The following TP53BP1 variants were observed in gnomAD, a reference collection of about 807,000 sequenced individuals.
TP53BP1 encodes TP53-binding protein 1.
A neutral mutation model predicts 200.8 loss-of-function variants in TP53BP1; 61 were observed. That is an observed-to-expected ratio of 0.30 (90% confidence interval 0.25 to 0.38). The LOEUF is 0.38. TP53BP1 is among the 10% of genes least tolerant of loss of function. The probability of loss-of-function intolerance (pLI) is 1.00; values close to 1 mark genes in which losing one functional copy is unlikely to be tolerated. For missense variants in TP53BP1, 2,144 were observed against 2,371.9 expected, an observed-to-expected ratio of 0.90 and a Z score of 2.00; for synonymous variants, 822 against 844.3, an observed-to-expected ratio of 0.97 and a Z score of 0.46.
chr15:43,504,924 G>A (rs1291503782), intron 1 of TP53BP1, among the ~76,000 whole-genome samples: 1 of 152,168 alleles, frequency 6.6e-6, no homozygotes, highest in African/African-American at 2.4e-5. Flanking sequence ...GGAAGGTGAG[G>A]CAAGAGAATT....
chr15:43,406,268 C>A lies in TP53BP1; in HGVS notation c.*1115G>T, dbSNP rs2044875580. 1 of 204,432 alleles carries A rather than the reference C, an allele frequency of 4.9e-6. No homozygotes were observed. The highest frequency in any genetic ancestry group is 1.0e-5 in the Non-Finnish European group (1 of 99,822). The allele number at this position is 204,432 out of a possible 1,614,324, so 12.7% of individuals were successfully genotyped here. On this transcript the variant is annotated 3_prime_UTR_variant, in exon 28 of 28. Coordinates refer to ENST00000382044, the MANE Select transcript of TP53BP1 (RefSeq NM_001141980.3). The stretch of plus-strand genomic sequence containing the variant: ...GAAATATTCACTGAACAACGCCCTC[C>A]AAACTGAAAAAGAATGCAGTGTTCT...
intron 11 of TP53BP1, 79 bp from the exon 12 acceptor site, chr15:43,457,297 AAAATTTCTAAAATC>A (rs1310444035): frequency 4.0e-6 from 5 of 1,240,484 alleles, no homozygotes; most frequent in Admixed American, 6.3e-5. Flanking sequence ...GGATTCATAT[AAAATTTCTAAAATC>A]AAATTTCTAA....
chr15:43,463,669 G>T (rs374760760), intron 11 of TP53BP1, among the ~76,000 whole-genome samples: 119 of 152,252 alleles, frequency 7.8e-4, no homozygotes, highest in African/African-American at 2.8e-3. Context: ...AATCTATTTA[G>T]CAGAAGAGTG....
In TP53BP1 at chr15:43,416,215, A is replaced by C. The variant is rs544424201; in HGVS notation, c.4873+10T>G. The C allele has an allele frequency of 6.2e-7, 1 of 1,609,052 alleles. No individual in the cohort carries two copies. ...CCCAAAAGCAGCTGTTCAGGAAGCA[A>C]AAGTCTTACCTAAGCTGATATCTGC... On this transcript the variant is annotated intron_variant, in intron 22 of 27. Transcript: ENST00000382044.
In TP53BP1 at chr15:43,432,508, G is replaced by C; in HGVS notation, c.3361C>G (p.Gln1121Glu). 6.2e-7 allele frequency: 1 copy of C among 1,614,126 alleles called. No homozygotes were observed. The stretch of plus-strand genomic sequence containing the variant: ...ACATCTGTCACCATTGCCTCTCCTT[G>C]AGGACTGGATGGCCCTTGTATGACC... ...KMVIQGPSSP[Q>E]GEAMVTDVLE... The change falls in exon 17 of 28, where the codon CAA becomes GAA. Residue 1121 changes from glutamine (Q) to glutamate (E), a missense_variant. Physicochemically the swap from Gln to Glu is conservative, Grantham distance 29. Around this residue, in one of 4 missense-constraint regions of TP53BP1, gnomAD observed 1,700 missense variants for 1,710.3 expected, o/e 0.99. Transcript: ENST00000382044.
intron 4 of TP53BP1, among the ~76,000 whole-genome samples, chr15:43,483,826 T>C (rs1409099946): frequency 1.3e-5 from 2 of 152,200 alleles, no homozygotes; most frequent in East Asian, 1.9e-4. Context: ...GAGCTCTTCT[T>C]AGTTTCTTTT....
At position 43,404,446 on chromosome 15, in the gene TP53BP1, A is replaced by AT. The variant is rs1374834390; in HGVS notation, c.*2936dup. 1 of 1,614,138 alleles carries AT rather than the reference A, an allele frequency of 6.2e-7. No homozygotes were observed. On this transcript the variant is annotated 3_prime_UTR_variant, in exon 28 of 28. Transcript: ENST00000382044. The stretch of plus-strand genomic sequence containing the variant: ...CCGCCAGTCTTCACTCCTGTTCAAG[A>AT]TTCTCTCCAGTGTTCGGAATCATCA...
intron 16 of TP53BP1, among the ~76,000 whole-genome samples, chr15:43,433,767 T>C (rs985481244): frequency 4.6e-5 from 7 of 152,206 alleles, no homozygotes; most frequent in Admixed American, 4.6e-4. Flanking sequence ...GCATAAACTG[T>C]AGATAAACTC....
chr15:43,420,167 C>A, intron 21 of TP53BP1, 138 bp downstream of exon 21: 5 of 830,170 alleles, frequency 6.0e-6, no homozygotes, highest in South Asian at 3.5e-5. Context: ...CAAGAGTAAC[C>A]AATTTTGTAG....
At chr15:43,438,274 C>T in intron 16 of TP53BP1, 50 bp downstream of exon 16, 1 of 1,533,182 alleles carries the variant, frequency 6.5e-7, no homozygotes, top group Non-Finnish European at 9.0e-7. Flanking sequence ...GGGCACTAAC[C>T]ATTTTGTGAA....
chr15:43,453,503 T>C (rs1373679373), intron 12 of TP53BP1, among the ~76,000 whole-genome samples: 1 of 151,650 alleles, frequency 6.6e-6, no homozygotes, highest in African/African-American at 2.4e-5. Flanking sequence ...CAATAACCCC[T>C]CACTTCCTTT....
At chr15:43,436,875 T>C (rs2045811006) in intron 16 of TP53BP1, among the ~76,000 whole-genome samples, 1 of 151,870 alleles carries the variant, frequency 6.6e-6, no homozygotes, top group African/African-American at 2.4e-5. Context: ...GTAAAGAAAT[T>C]ATGGGGCTAA....
At chr15:43,433,738 C>T (rs1241852015) in intron 16 of TP53BP1, among the ~76,000 whole-genome samples, 2 of 152,000 alleles carry the variant, frequency 1.3e-5, no homozygotes, top group East Asian at 1.9e-4. Context: ...TTTCAGTTCT[C>T]GGCATGACAG....
At chr15:43,419,536 CTTTTTTTTTTTTTT>C (rs34159488) in intron 21 of TP53BP1, among the ~76,000 whole-genome samples, 6 of 73,426 alleles carry the variant, frequency 8.2e-5, no homozygotes, top group African/African-American at 2.7e-4. Flanking sequence ...ATTTATGTTC[CTTTTTTTTTTTTTT>C]TTTTTTTTTT....
At chr15:43,417,692 T>C (rs1036387511) in intron 21 of TP53BP1, among the ~76,000 whole-genome samples, 16 of 152,200 alleles carry the variant, frequency 1.1e-4, no homozygotes, top group Admixed American at 3.3e-4. Context: ...AACGAATGCA[T>C]TTGATACATA....
At chr15:43,500,960 G>A (rs1394978693) in intron 1 of TP53BP1, among the ~76,000 whole-genome samples, 1 of 152,152 alleles carries the variant, frequency 6.6e-6, no homozygotes, top group Admixed American at 6.5e-5. Flanking sequence ...CTTGAGCTCA[G>A]GAGGTCAAGT....
chr15:43,486,907 T>C (rs2079054732), intron 4 of TP53BP1, among the ~76,000 whole-genome samples: 1 of 152,172 alleles, frequency 6.6e-6, no homozygotes, highest in African/African-American at 2.4e-5. Context: ...ATTATAGGCC[T>C]GAGCCACTGC....
chr15:43,491,686 C>T lies in TP53BP1; in HGVS notation c.354G>A (p.Gln118=). The T allele has an allele frequency of 6.2e-7, 1 of 1,613,686 alleles. No individual in the cohort carries two copies. The highest frequency in any genetic ancestry group is 2.2e-5 in the East Asian group (1 of 44,872). The change falls in exon 4 of 28, where the codon CAG becomes CAA. Residue 118 remains glutamine (Q), a synonymous_variant. Transcript: ENST00000382044. ...SISQVIEQLP[Q]PNRTSSVLGM... is the part of the protein sequence containing the mutation. ...CTGTATACCTGCTTGTCCTGTTTGG[C>T]TGAGGTAACTGCTCAATGACCTGAC...
rs1023105660 is a variant in TP53BP1 at position 43,492,473 on chromosome 15, A to T, written c.8-5T>A. The T allele has an allele frequency of 6.2e-7, 1 of 1,612,094 alleles. No individual in the cohort carries two copies. The highest frequency in any genetic ancestry group is 8.5e-7 in the Non-Finnish European group (1 of 1,178,872). ...CAGTAGGGTCCATCTGCTCCCCTGGAATGGAATAACAAAAGATCAGTTCCG... is the reference window on the plus strand; with the variant it reads ...CAGTAGGGTCCATCTGCTCCCCTGGTATGGAATAACAAAAGATCAGTTCCG... On this transcript the variant is annotated splice_region_variant and splice_polypyrimidine_tract_variant and intron_variant, in intron 1 of 27. Transcript: ENST00000382044.
Sources: allele counts gnomAD v4.1 joint callset (sites outside exome capture counted in the v4.1 genomes callset), GRCh38; gene constraint gnomAD v4.1.1; regional missense constraint gnomAD v4.1.1; transcripts MANE v1.5; gene names NCBI Gene and HGNC (gene_info 2026-07-23, HGNC 2026-07-21).